The following PLCG1 variants were observed in gnomAD, a reference collection of about 807,000 sequenced individuals.
PLCG1 encodes phospholipase C gamma 1.
A neutral mutation model predicts 177.8 loss-of-function variants in PLCG1; 71 were observed. The ratio of observed to expected loss-of-function variants is 0.40; its 90% CI spans 0.33 to 0.49. The LOEUF (loss-of-function observed/expected upper bound fraction) is 0.49, where lower values mean the gene tolerates loss of function less well. Ranked by LOEUF, PLCG1 falls within the 20% of genes least tolerant of loss-of-function variation. The probability of loss-of-function intolerance (pLI) is 0.72; values close to 1 mark genes in which losing one functional copy is unlikely to be tolerated. For missense variants in PLCG1, 1,281 were observed against 1,709.0 expected, an observed-to-expected ratio of 0.75 and a Z score of 4.42; for synonymous variants, 658 against 647.9, an observed-to-expected ratio of 1.02 and a Z score of -0.24.
At position 41,172,934 on chromosome 20, in the gene PLCG1, C is replaced by T. The variant is rs2035949728; in HGVS notation, c.3279+57C>T. 6.4e-7 allele frequency: 1 copy of T among 1,573,742 alleles called. No individual in the cohort carries two copies. The highest frequency in any genetic ancestry group is 8.7e-7 in the Non-Finnish European group (1 of 1,153,498). ...GAAAGGGGCTGCTTGCCGTTGGAGT[C>T]TGTTTATGTTGAGTTCTCCAAAAGT... On this transcript the variant is annotated intron_variant, in intron 27 of 31. Coordinates refer to ENST00000685551, the MANE Select transcript of PLCG1 (RefSeq NM_002660.3). This position sits in a 1 kb window ranked among gnomAD's most constrained non-coding sequence, Gnocchi z 7.0.
At chr20:41,149,673 T>C (rs1402726326) in intron 1 of PLCG1, among the ~76,000 whole-genome samples, 1 of 152,138 alleles carries the variant, frequency 6.6e-6, no homozygotes, top group Non-Finnish European at 1.5e-5. Context: ...ATTAAGGGTG[T>C]GGGCATGGCT....
At position 41,160,253 on chromosome 20, in the gene PLCG1, G is replaced by A. The variant is rs2035453827; in HGVS notation, c.512+100G>A. On this transcript the variant is annotated intron_variant, in intron 4 of 31. Coordinates refer to ENST00000685551, the MANE Select transcript of PLCG1 (RefSeq NM_002660.3). This position sits in a 1 kb window ranked among gnomAD's most constrained non-coding sequence, Gnocchi z 5.5. ...GCTGCCCGGAGAGCCAGAGGACCCA[G>A]GGGACCTTAAGTGGGGCCAGGAGGG... 1 of 1,109,782 alleles carries A rather than the reference G, an allele frequency of 9.0e-7. No homozygotes were observed. Among genetic ancestry groups the A allele is most frequent in the African/African-American group, 1.5e-5 (1 of 65,296 alleles). The allele number at this position is 1,109,782 out of a possible 1,614,324, so 68.7% of individuals were successfully genotyped here.
rs536959757 is a variant in PLCG1 at position 41,150,019 on chromosome 20, C to T, written c.218-9587C>T. Among the ~76,000 whole-genome samples the T allele has an allele frequency of 1.3e-5, 2 of 152,266 alleles. No individual in the cohort carries two copies. Among genetic ancestry groups the T allele is most frequent in the East Asian group, 3.9e-4 (2 of 5,174 alleles). ...GAACAGCCTGGGCAACATGGCAAAACACCATCTCTGCAAAAAATATAATCA... is the reference window on the plus strand; with the variant it reads ...GAACAGCCTGGGCAACATGGCAAAATACCATCTCTGCAAAAAATATAATCA... On this transcript the variant is annotated intron_variant, in intron 1 of 31. Transcript: ENST00000685551. This position sits in a 1 kb window ranked among gnomAD's most constrained non-coding sequence, Gnocchi z 4.0.
chr20:41,163,611 C>T lies in PLCG1; in HGVS notation c.892-104C>T. 9.3e-7 allele frequency: 1 copy of T among 1,071,762 alleles called. No individual in the cohort carries two copies. The highest frequency in any genetic ancestry group is 1.5e-5 in the African/African-American group (1 of 64,850). 66.4% of individuals were successfully genotyped at this position (1,071,762 alleles called of 1,614,324 possible). On this transcript the variant is annotated intron_variant, in intron 9 of 31. Coordinates refer to ENST00000685551, the MANE Select transcript of PLCG1 (RefSeq NM_002660.3). This position sits in a 1 kb window ranked among gnomAD's most constrained non-coding sequence, Gnocchi z 5.2. The stretch of plus-strand genomic sequence containing the variant: ...TCTACCTACTGTGCACCTTGCCCAC[C>T]CCCAGTTGGGACAGAGCACTCTCTC...
In PLCG1 at chr20:41,160,135, A is replaced by G; in HGVS notation, c.494A>G (p.Asp165Gly). 2 of 1,614,074 alleles carry G rather than the reference A, an allele frequency of 1.2e-6. No individual in the cohort carries two copies. The highest frequency in any genetic ancestry group is 1.7e-6 in the Non-Finnish European group (2 of 1,179,980). Residue 165 changes from aspartate to glycine, a missense_variant, in exon 4 of 32, where the codon GAT becomes GGT. By Grantham distance (94) the Asp-to-Gly change is moderately conservative. Coordinates refer to ENST00000685551, the MANE Select transcript of PLCG1 (RefSeq NM_002660.3). The surrounding 1 kb of genome is among the most constrained non-coding windows in gnomAD (Gnocchi z 5.5). ...CTCCGGAAGCAGTTTTACTCAGTGGATCGGAATCGTGAGGATCGGTAAGTA... is the reference window on the plus strand; with the variant it reads ...CTCCGGAAGCAGTTTTACTCAGTGGGTCGGAATCGTGAGGATCGGTAAGTA... ...RWLRKQFYSV[D>G]RNREDRISAK...
At chr20:41,138,764 T>G (rs1171853180) in intron 1 of PLCG1, among the ~76,000 whole-genome samples, 1 of 152,160 alleles carries the variant, frequency 6.6e-6, no homozygotes, top group Non-Finnish European at 1.5e-5. Context: ...GGCCTGAGCT[T>G]GGCTGCTTTT....
chr20:41,176,152 G>A lies in PLCG1; in HGVS notation c.*1643G>A, dbSNP rs971720168. 6.6e-6 allele frequency: 1 copy of A among 152,188 alleles called. No homozygotes were observed. The highest frequency in any genetic ancestry group is 2.4e-5 in the African/African-American group (1 of 41,444). The allele number at this position is 152,188 out of a possible 1,614,324, so 9.4% of individuals were successfully genotyped here. On this transcript the variant is annotated 3_prime_UTR_variant, in exon 32 of 32. Coordinates refer to ENST00000685551, the MANE Select transcript of PLCG1 (RefSeq NM_002660.3). ...ACAGTTGAAAGGCCCTTCTCTTCCT[G>A]AAGCTCTGTTTCCATAGTTGGCTGT...
At position 41,166,225 on chromosome 20, in the gene PLCG1, C is replaced by T. The variant is rs755290265; in HGVS notation, c.1831C>T (p.His611Tyr). The stretch of plus-strand genomic sequence containing the variant: ...CGGGAAAGTCCAGCACTGCCGTATC[C>T]ACTCCCGGCAAGATGCTGGGACCCC... ...RNGKVQHCRI[H>Y]SRQDAGTPKF... Residue 611 changes from histidine (H) to tyrosine (Y), a missense_variant, in exon 17 of 32, where the codon CAC (histidine) becomes TAC (tyrosine). This residue lies in a region of PLCG1 where 723 missense variants were observed against 1,030.0 expected (regional missense o/e 0.70). Coordinates refer to ENST00000685551, the MANE Select transcript of PLCG1 (RefSeq NM_002660.3). The surrounding 1 kb of genome is among the most constrained non-coding windows in gnomAD (Gnocchi z 8.6). 6.2e-7 allele frequency: 1 copy of T among 1,613,930 alleles called. No homozygotes were observed. The highest frequency in any genetic ancestry group is 8.5e-7 in the Non-Finnish European group (1 of 1,179,962).
chr20:41,168,750 G>A lies in PLCG1; in HGVS notation c.2380-17G>A. Reference sequence around the variant, plus strand: ...GGAGAGCCTTTCTGCTCTGACTGGTGCTTCTCACCTCTGCAGTGTGCAGTC... The same window carrying A: ...GGAGAGCCTTTCTGCTCTGACTGGTACTTCTCACCTCTGCAGTGTGCAGTC... On this transcript the variant is annotated splice_polypyrimidine_tract_variant and intron_variant, in intron 20 of 31. Transcript: ENST00000685551. 2 of 1,522,790 alleles carry A rather than the reference G, an allele frequency of 1.3e-6. No homozygotes were observed. Among genetic ancestry groups the A allele is most frequent in the Non-Finnish European group, 1.8e-6 (2 of 1,100,418 alleles). 94.3% of individuals were successfully genotyped at this position (1,522,790 alleles called of 1,614,324 possible). A position where few individuals can be genotyped will look rare whatever the true frequency, so the allele number is the denominator to read the frequency against.
chr20:41,163,236 C>T lies in PLCG1; in HGVS notation c.750C>T (p.Ser250=). 6.4e-7 allele frequency: 1 copy of T among 1,551,034 alleles called. No individual in the cohort carries two copies. Among genetic ancestry groups the T allele is most frequent in the Admixed American group, 2.0e-5 (1 of 50,478 alleles). Residue 250 remains serine (S), a synonymous_variant, in exon 8 of 32, where the codon TCC becomes TCT. Transcript: ENST00000685551. This position sits in a 1 kb window ranked among gnomAD's most constrained non-coding sequence, Gnocchi z 5.2. ...AGCGGCCGGAGCTTTGCCGAGTGTC[C>T]CTTCCTGAGTTCCAGCAGTTCCTTC... The part of the protein sequence containing the change: ...AGERPELCRV[S]LPEFQQFLLD...
Position 41,175,852 on chromosome 20 carries a change from G to C in PLCG1, c.*1343G>C, listed in dbSNP as rs1032170058. 6.6e-6 allele frequency: 1 copy of C among 152,606 alleles called. No individual in the cohort carries two copies. Among genetic ancestry groups the C allele is most frequent in the East Asian group, 1.9e-4 (1 of 5,190 alleles). 9.5% of individuals were successfully genotyped at this position (152,606 alleles called of 1,614,324 possible). Reference sequence around the variant, plus strand: ...AATTTCTGGAAATTTCTCAGGTTAAGCAGCAAGAGCTGTAACCCCTCCTCT... The same window carrying C: ...AATTTCTGGAAATTTCTCAGGTTAACCAGCAAGAGCTGTAACCCCTCCTCT... On this transcript the variant is annotated 3_prime_UTR_variant, in exon 32 of 32. Transcript: ENST00000685551.
chr20:41,137,779 C>G lies in PLCG1; in HGVS notation c.138C>G (p.Pro46=), dbSNP rs753875907. The stretch of plus-strand genomic sequence containing the variant: ...TCTACTCCAAGAAGTCGCAGCGACC[C>G]GAGCGGAAGACCTTCCAGGTCAAGC... ...TLFYSKKSQR[P]ERKTFQVKLE... Residue 46 remains proline, a synonymous_variant, in exon 1 of 32, where the codon CCC becomes CCG. Transcript: ENST00000685551. The surrounding 1 kb of genome is among the most constrained non-coding windows in gnomAD (Gnocchi z 7.3). 2.3e-6 allele frequency: 3 copies of G among 1,297,756 alleles called. No homozygotes were observed. Among genetic ancestry groups the G allele is most frequent in the Non-Finnish European group, 3.0e-6 (3 of 1,015,646 alleles). 80.4% of individuals were successfully genotyped at this position (1,297,756 alleles called of 1,614,324 possible). A position where few individuals can be genotyped will look rare whatever the true frequency, so the allele number is the denominator to read the frequency against.
intron 1 of PLCG1, among the ~76,000 whole-genome samples, chr20:41,154,366 C>T (rs932619719): frequency 6.6e-6 from 1 of 152,230 alleles, no homozygotes; most frequent in African/African-American, 2.4e-5. Context: ...TCCCTCTCCC[C>T]CTTCTAGGGC....
At position 41,173,359 on chromosome 20, in the gene PLCG1, G is replaced by C; in HGVS notation, c.3280-61G>C. 1 of 1,470,750 alleles carries C rather than the reference G, an allele frequency of 6.8e-7. No homozygotes were observed. The highest frequency in any genetic ancestry group is 2.4e-5 in the East Asian group (1 of 41,186). The allele number at this position is 1,470,750 out of a possible 1,614,324, so 91.1% of individuals were successfully genotyped here. ...CTCCACAGATGCTGACTGAGCCTCCGCAGTGGGGAATTGGAGGGAGCAGGA... is the reference window on the plus strand; with the variant it reads ...CTCCACAGATGCTGACTGAGCCTCCCCAGTGGGGAATTGGAGGGAGCAGGA... On this transcript the variant is annotated intron_variant, in intron 27 of 31. Transcript: ENST00000685551. This position sits in a 1 kb window ranked among gnomAD's most constrained non-coding sequence, Gnocchi z 6.2.
chr20:41,158,656 G>C (rs2035397773), intron 1 of PLCG1, among the ~76,000 whole-genome samples: 1 of 152,158 alleles, frequency 6.6e-6, no homozygotes, highest in African/African-American at 2.4e-5. Context: ...TTACTCTTAT[G>C]TTACTCTCTT....
Position 41,166,630 on chromosome 20 carries a change from T to C in PLCG1, c.2120+35T>C. 1.2e-6 allele frequency: 2 copies of C among 1,614,016 alleles called. No individual in the cohort carries two copies. The highest frequency in any genetic ancestry group is 1.7e-6 in the Non-Finnish European group (2 of 1,179,968). On this transcript the variant is annotated intron_variant, in intron 18 of 31. Transcript: ENST00000685551. This position sits in a 1 kb window ranked among gnomAD's most constrained non-coding sequence, Gnocchi z 8.6. ...GTGGCACTGGGTTGTGGGGCCTTGC[T>C]TGGGTCTGAGCTGCCCTGACCCTGT... is the stretch of plus-strand genomic sequence containing the variant.
rs556329104 is a variant in PLCG1 at position 41,147,140 on chromosome 20, C to T, written c.217+9282C>T. ...CCCCTCTTCCTGCCCTAGTCACTTC[C>T]TCCACCTTCAACAGTAATTGAGTAT... is the stretch of plus-strand genomic sequence containing the variant. On this transcript the variant is annotated intron_variant, in intron 1 of 31. Transcript: ENST00000685551. This position sits in a 1 kb window ranked among gnomAD's most constrained non-coding sequence, Gnocchi z 4.0. 6.6e-6 allele frequency among the ~76,000 whole-genome samples: 1 copy of T among 152,338 alleles called. No individual in the cohort carries two copies. The highest frequency in any genetic ancestry group is 2.1e-4 in the South Asian group (1 of 4,824).
chr20:41,174,951 A>C lies in PLCG1; in HGVS notation c.*442A>C. ...AGTTTACATTGTCCTGTAGCTTTAA[A>C]ACCACAGCTGGGCAGGGTGAGAAGC... On this transcript the variant is annotated 3_prime_UTR_variant, in exon 32 of 32. Coordinates refer to ENST00000685551, the MANE Select transcript of PLCG1 (RefSeq NM_002660.3). This position sits in a 1 kb window ranked among gnomAD's most constrained non-coding sequence, Gnocchi z 5.8. 1 of 175,124 alleles carries C rather than the reference A, an allele frequency of 5.7e-6. No homozygotes were observed. Among genetic ancestry groups the C allele is most frequent in the Non-Finnish European group, 1.2e-5 (1 of 82,086 alleles). The allele number at this position is 175,124 out of a possible 1,614,324, so 10.8% of individuals were successfully genotyped here. A position where few individuals can be genotyped will look rare whatever the true frequency, so the allele number is the denominator to read the frequency against.
At chr20:41,141,535 G>A (rs150136626) in intron 1 of PLCG1, among the ~76,000 whole-genome samples, 7 of 152,358 alleles carry the variant, frequency 4.6e-5, no homozygotes, top group East Asian at 3.9e-4. Flanking sequence ...CCCACAGCAC[G>A]GGAGAGGGCA....
Sources: gnomAD v4.1 joint callset for allele counts (sites outside exome capture counted in the v4.1 genomes callset) on GRCh38, gnomAD v4.1.1 for gene constraint, gnomAD v4.1.1 regional missense constraint, Gnocchi (gnomAD v3.1) non-coding constraint, MANE v1.5 for transcripts, NCBI Gene and HGNC (gene_info 2026-07-23, HGNC 2026-07-21) for gene names.